RGS12: variants seen among roughly 807,000 people sequenced by gnomAD.
RGS12 encodes regulator of G-protein signaling 12.
RGS12 carries 66 observed loss-of-function variants against 120.1 expected under a neutral mutation model. The observed-to-expected ratio is 0.55, with a 90% CI of 0.45 to 0.67. The LOEUF is 0.67. Ranked by LOEUF, RGS12 falls within the 30% of genes least tolerant of loss-of-function variation. RGS12 has a pLI of 0.00. For missense variants in RGS12, 1,859 were observed against 1,957.7 expected (o/e 0.95, Z 0.95); for synonymous variants, 827 against 804.7 (o/e 1.03, Z -0.47).
intron 4 of RGS12, among the ~76,000 whole-genome samples, chr4:3,396,654 G>A (rs188338639): frequency 2.3e-4 from 35 of 152,238 alleles, no homozygotes; most frequent in Middle Eastern, 3.4e-3. Context: ...ACTTCATGTC[G>A]TAATTCTCGT....
At chr4:3,418,614 G>A (rs1722665255) in intron 9 of RGS12, 1 of 152,360 alleles carries the variant, frequency 6.6e-6, no homozygotes, top group African/African-American at 2.4e-5. Flanking sequence ...CCTGCAGGGG[G>A]AAGCGTTGTT....
intron 2 of RGS12, among the ~76,000 whole-genome samples, chr4:3,336,122 C>T (rs1712433595): frequency 6.6e-6 from 1 of 152,062 alleles, no homozygotes; most frequent in South Asian, 2.1e-4. Flanking sequence ...AACAAACAAA[C>T]AAAACCCAAG....
At chr4:3,293,623 C>T (rs924165995) in intron 1 of RGS12, among the ~76,000 whole-genome samples, 3 of 152,080 alleles carry the variant, frequency 2.0e-5, no homozygotes, top group Non-Finnish European at 4.4e-5. Flanking sequence ...GCAGTGTAGA[C>T]AGAGGGGTCC....
At chr4:3,338,411 T>G (rs13126960) in intron 2 of RGS12, among the ~76,000 whole-genome samples, 18,150 of 152,208 alleles carry the variant, frequency 0.12, 1,426 homozygotes, top group African/African-American at 0.22. Flanking sequence ...TGAGCAGGGG[T>G]TAAGGTTCTA....
At chr4:3,296,301 C>A in intron 1 of RGS12, among the ~76,000 whole-genome samples, 1 of 152,068 alleles carries the variant, frequency 6.6e-6, no homozygotes, top group East Asian at 1.9e-4. Flanking sequence ...CCTGCCTCAG[C>A]CTCTTGAGTA....
chr4:3,374,564 C>T lies in RGS12; in HGVS notation c.1999-11852C>T, dbSNP rs566891893. On this transcript the variant is annotated intron_variant, in intron 3 of 17. Transcript: ENST00000336727. This position sits in a 1 kb window ranked among gnomAD's most constrained non-coding sequence, Gnocchi z 6.3. ...AGTACCAAACAAGACTTGGATTCTC[C>T]CCTCGCCTCCAGTGTACCCCTCCCT... Among the ~76,000 whole-genome samples the T allele has an allele frequency of 6.6e-6, 1 of 152,106 alleles. No individual in the cohort carries two copies. Among genetic ancestry groups the T allele is most frequent in the East Asian group, 1.9e-4 (1 of 5,148 alleles).
intron 3 of RGS12, among the ~76,000 whole-genome samples, chr4:3,346,879 G>A (rs1278743863): frequency 6.6e-6 from 1 of 152,184 alleles, no homozygotes. Context: ...GTAAGTCTAG[G>A]AACCCTTGAA....
At chr4:3,427,992 C>G (rs1723840014) in intron 14 of RGS12, 98 bp from the exon 15 acceptor site, 2 of 1,185,234 alleles carry the variant, frequency 1.7e-6, no homozygotes, top group East Asian at 4.7e-5. Context: ...TGTGGCTTCT[C>G]TACAGCTTTG....
At chr4:3,436,127 TGGG>T (rs149536460) in intron 17 of RGS12, among the ~76,000 whole-genome samples, 1 of 151,794 alleles carries the variant, frequency 6.6e-6, no homozygotes, top group Non-Finnish European at 1.5e-5. Context: ...AGGGGGACCT[TGGG>T]GGGGTCACAC....
intron 4 of RGS12, among the ~76,000 whole-genome samples, chr4:3,388,740 C>T (rs2108981359): frequency 6.6e-6 from 1 of 152,372 alleles, no homozygotes; most frequent in African/African-American, 2.4e-5. Context: ...ACGGCAGTGA[C>T]AGGAGCCTGG....
At chr4:3,388,231 A>T (rs1560137544) in intron 4 of RGS12, among the ~76,000 whole-genome samples, 3 of 149,964 alleles carry the variant, frequency 2.0e-5, no homozygotes, top group Non-Finnish European at 3.0e-5. Flanking sequence ...GACGGGAGGG[A>T]GGAGGAGACG....
intron 1 of RGS12, among the ~76,000 whole-genome samples, chr4:3,311,632 C>T (rs1724407715): frequency 6.6e-6 from 1 of 152,182 alleles, no homozygotes; most frequent in South Asian, 2.1e-4. Flanking sequence ...GGTCAGTGTA[C>T]ACAAACCTTG....
chr4:3,317,091 C>A lies in RGS12; in HGVS notation c.921C>A (p.Asp307Glu). 1 of 1,613,732 alleles carries A rather than the reference C, an allele frequency of 6.2e-7. No homozygotes were observed. The highest frequency in any genetic ancestry group is 8.5e-7 in the Non-Finnish European group (1 of 1,180,040). The change falls in exon 2 of 18, where the codon GAC becomes GAA. Residue 307 changes from aspartate (D) to glutamate (E), a missense_variant. Physicochemically the swap from Asp to Glu is conservative, Grantham distance 45. Coordinates refer to ENST00000336727, the MANE Select transcript of RGS12 (RefSeq NM_001394154.1). ...EKLAFSAVCP[D>E]DRRFFGLVTM... is the part of the protein sequence containing the mutation. ...TGGCCTTCAGCGCCGTGTGCCCGGA[C>A]GACCGGCGATTTTTCGGGTTGGTTA...
rs114176397 is a variant in RGS12, at chr4:3,425,410, T to C, written c.3235-54T>C. 1.2e-3 allele frequency: 1,793 copies of C among 1,481,616 alleles called. 17 individuals are homozygous for C. In the African/African-American group the frequency reaches 0.021, roughly 18 times the overall value. 91.8% of individuals were successfully genotyped at this position (1,481,616 alleles called of 1,614,324 possible). ...GCAGTCGGGTGGGATCACACACATC[T>C]GTTCCCTGAAGTTCCAGTCTGGGTA... On this transcript the variant is annotated intron_variant, in intron 13 of 17. Coordinates refer to ENST00000336727, the MANE Select transcript of RGS12 (RefSeq NM_001394154.1).
intron 1 of RGS12, among the ~76,000 whole-genome samples, chr4:3,303,561 C>CT (rs1490672761): frequency 3.3e-5 from 5 of 152,210 alleles, no homozygotes; most frequent in Non-Finnish European, 7.3e-5. Flanking sequence ...GAGAAGCCCC[C>CT]TCCTCTTCCT....
intron 2 of RGS12, among the ~76,000 whole-genome samples, chr4:3,319,910 T>G (rs758741331): frequency 1.3e-5 from 2 of 152,200 alleles, no homozygotes; most frequent in African/African-American, 2.4e-5. Flanking sequence ...GCAGGGCCAC[T>G]CCCAGGGAGC....
intron 3 of RGS12, among the ~76,000 whole-genome samples, chr4:3,353,441 C>T (rs1392371857): frequency 6.6e-6 from 1 of 152,184 alleles, no homozygotes. Context: ...CTGTCATCAC[C>T]GTGATCCATC....
chr4:3,419,547 T>A (rs1443144976), intron 9 of RGS12: 1 of 152,084 alleles, frequency 6.6e-6, no homozygotes, highest in Admixed American at 6.5e-5. Flanking sequence ...GCCTGGTGGC[T>A]CATGCCTTTA....
At position 3,389,218 on chromosome 4, in the gene RGS12, AAG is replaced by A. The variant is rs1395485159; in HGVS notation, c.2020+2782_2020+2783del. ...TGTGTTTTTTCACTTTTTCAGAAGA[AAG>A]GGGCTGATAATGGCCACCCGTTTGT... is the stretch of plus-strand genomic sequence containing the variant. On this transcript the variant is annotated intron_variant, in intron 4 of 17. Coordinates refer to ENST00000336727, the MANE Select transcript of RGS12 (RefSeq NM_001394154.1). The surrounding 1 kb of genome is among the most constrained non-coding windows in gnomAD (Gnocchi z 5.2). Among the ~76,000 whole-genome samples, 1 of 152,110 alleles carries A rather than the reference AAG, an allele frequency of 6.6e-6. No homozygotes were observed. The highest frequency in any genetic ancestry group is 6.5e-5 in the Admixed American group (1 of 15,274).
Sources: allele counts gnomAD v4.1 joint callset (sites outside exome capture counted in the v4.1 genomes callset), GRCh38; gene constraint gnomAD v4.1.1; non-coding constraint Gnocchi (gnomAD v3.1); transcripts MANE v1.5; gene names NCBI Gene and HGNC (gene_info 2026-07-23, HGNC 2026-07-21).